WDFY4: variants seen among roughly 807,000 people sequenced by gnomAD.
WDFY4 encodes the protein WD repeat- and FYVE domain-containing protein 4.
Under a neutral mutation model 351.9 loss-of-function variants are expected in WDFY4, and 169 were observed. The observed-to-expected ratio is 0.48, with a 90% CI of 0.42 to 0.55. The LOEUF (loss-of-function observed/expected upper bound fraction) is 0.55, where lower values mean the gene tolerates loss of function less well. Among genes scored for constraint, WDFY4 ranks in the 20% least tolerant of loss-of-function variants. The probability of loss-of-function intolerance (pLI) is 0.00; values close to 1 mark genes in which losing one functional copy is unlikely to be tolerated. For synonymous variants in WDFY4, 1,622 were observed against 1,574.6 expected, an observed-to-expected ratio of 1.03 and a Z score of -0.71; for missense variants, 3,803 against 3,935.6, an observed-to-expected ratio of 0.97 and a Z score of 0.90.
At chr10:48,958,621 G>A (rs951197120) in intron 52 of WDFY4, among the ~76,000 whole-genome samples, 1 of 152,134 alleles carries the variant, frequency 6.6e-6, no homozygotes, top group East Asian at 1.9e-4. Context: ...TTTAGGCACT[G>A]GGGATTTAGT....
Position 48,882,184 on chromosome 10 carries a change from T to A in WDFY4, c.7167+4985T>A, listed in dbSNP as rs115465804. Among the ~76,000 whole-genome samples the A allele has an allele frequency of 4.9e-3, 740 of 152,006 alleles. 13 individuals carry two copies. The highest frequency in any genetic ancestry group is 0.017 in the African/African-American group (712 of 41,472). On this transcript the variant is annotated intron_variant, in intron 43 of 61. Coordinates refer to ENST00000325239, the MANE Select transcript of WDFY4 (RefSeq NM_001394531.1). The stretch of plus-strand genomic sequence containing the variant: ...ACCCAGCTTGAGGGAGGGCATGCCC[T>A]GGGGGAACCTGGGTCTTGGGGGAGC...
intron 47 of WDFY4, chr10:48,913,907 G>A: frequency 6.2e-7 from 1 of 1,614,172 alleles, no homozygotes; most frequent in Non-Finnish European, 8.5e-7. Flanking sequence ...TGTCTATGTA[G>A]TTGCTGTGCA....
chr10:48,913,276 G>C, intron 47 of WDFY4: 1 of 958,012 alleles, frequency 1.0e-6, no homozygotes. Flanking sequence ...TTATGGGCTT[G>C]GCTGAAAGAG....
chr10:48,901,984 TTC>T, intron 47 of WDFY4, 121 bp downstream of exon 47: 1 of 877,670 alleles, frequency 1.1e-6, no homozygotes. Context: ...TCCCTCATTT[TTC>T]TCTCTCCTAT....
intron 47 of WDFY4, among the ~76,000 whole-genome samples, chr10:48,939,568 A>G (rs1017237866): frequency 6.6e-6 from 1 of 152,224 alleles, no homozygotes; most frequent in South Asian, 2.1e-4. Flanking sequence ...ATCTTATTTA[A>G]TCTAAAACTT....
chr10:48,809,745 CAA>C (rs912145839), intron 28 of WDFY4, among the ~76,000 whole-genome samples: 23 of 152,198 alleles, frequency 1.5e-4, no homozygotes, highest in African/African-American at 5.5e-4. Flanking sequence ...GGAGCTCTGC[CAA>C]AGTCATCCAG....
At chr10:48,913,808 C>A (rs755602650) in intron 47 of WDFY4, 1 of 1,614,094 alleles carries the variant, frequency 6.2e-7, no homozygotes, top group Admixed American at 1.7e-5. Flanking sequence ...GTTGCTTCAG[C>A]TCCACGGGCA....
chr10:48,745,102 A>G (rs1170479072), intron 12 of WDFY4, among the ~76,000 whole-genome samples: 1 of 152,048 alleles, frequency 6.6e-6, no homozygotes, highest in Non-Finnish European at 1.5e-5. Context: ...TTCTTTTTAC[A>G]TGTAAATTTC....
At chr10:48,730,770 C>A (rs1409869838) in intron 8 of WDFY4, among the ~76,000 whole-genome samples, 2 of 152,052 alleles carry the variant, frequency 1.3e-5, no homozygotes, top group Non-Finnish European at 2.9e-5. Context: ...CAATATATCC[C>A]AAATATTACC....
At chr10:48,688,255 C>A (rs2063106105) in intron 1 of WDFY4, among the ~76,000 whole-genome samples, 2 of 152,104 alleles carry the variant, frequency 1.3e-5, no homozygotes, top group South Asian at 2.1e-4. Flanking sequence ...CTGGAAAGAG[C>A]CTCCCCATTC....
At position 48,796,459 on chromosome 10, in the gene WDFY4, G is replaced by A. The variant is rs1348412285; in HGVS notation, c.4410+9G>A. 1.9e-6 allele frequency: 3 copies of A among 1,549,388 alleles called. No individual in the cohort carries two copies. The highest frequency in any genetic ancestry group is 1.7e-6 in the Non-Finnish European group (2 of 1,146,900). ...TCCTCTGCAATTTCGAGGTAAATCA[G>A]AGATTGGCCCTTAGTCCTTCAGGAG... On this transcript the variant is annotated intron_variant, in intron 24 of 61. Transcript: ENST00000325239.
intron 26 of WDFY4, 58 bp downstream of exon 26, chr10:48,805,479 A>G (rs2067223279): frequency 5.9e-6 from 9 of 1,519,764 alleles, no homozygotes; most frequent in Non-Finnish European, 7.0e-6. Flanking sequence ...TTAAAAAGGG[A>G]GGACAGACCC....
intron 12 of WDFY4, among the ~76,000 whole-genome samples, chr10:48,755,869 A>G (rs1000664410): frequency 1.3e-5 from 2 of 152,056 alleles, no homozygotes; most frequent in African/African-American, 4.8e-5. Flanking sequence ...TATTTTATAT[A>G]TAGGTAGGTA....
At chr10:48,736,457 A>C (rs1182565520) in intron 11 of WDFY4, among the ~76,000 whole-genome samples, 3 of 152,206 alleles carry the variant, frequency 2.0e-5, no homozygotes, top group African/African-American at 7.2e-5. Flanking sequence ...GGCAGGACTC[A>C]CCTGGATGCA....
chr10:48,844,464 C>T (rs773528227), intron 39 of WDFY4, among the ~76,000 whole-genome samples: 15 of 152,084 alleles, frequency 9.9e-5, no homozygotes, highest in Non-Finnish European at 1.6e-4. Context: ...TGATGGCACA[C>T]CCCTGTAATC....
At chr10:48,724,085 C>A (rs1465459637) in intron 5 of WDFY4, among the ~76,000 whole-genome samples, 1 of 152,174 alleles carries the variant, frequency 6.6e-6, no homozygotes, top group Non-Finnish European at 1.5e-5. Flanking sequence ...ACTAACTTCT[C>A]ACCTCCTTCC....
chr10:48,780,305 G>T (rs772463976), intron 19 of WDFY4, among the ~76,000 whole-genome samples, 186 bp downstream of exon 19: 3 of 152,222 alleles, frequency 2.0e-5, no homozygotes, highest in Non-Finnish European at 4.4e-5. Context: ...ACATGAAAAG[G>T]ACATCTTTAG....
intron 1 of WDFY4, among the ~76,000 whole-genome samples, chr10:48,704,689 G>A (rs2063575154): frequency 6.6e-6 from 1 of 152,208 alleles, no homozygotes; most frequent in Non-Finnish European, 1.5e-5. Context: ...TGCTGGGGGT[G>A]TGCTGGGCAG....
intron 39 of WDFY4, among the ~76,000 whole-genome samples, chr10:48,854,403 C>A (rs2069064925): frequency 6.6e-6 from 1 of 152,146 alleles, no homozygotes. Flanking sequence ...GCCACTGCAC[C>A]CAGCCCTAAG....
Sources: gnomAD v4.1 joint callset for allele counts (sites outside exome capture counted in the v4.1 genomes callset) on GRCh38, gnomAD v4.1.1 for gene constraint, MANE v1.5 for transcripts, NCBI Gene and HGNC (gene_info 2026-07-23, HGNC 2026-07-21) for gene names.